EHBP1: variants seen among roughly 807,000 people sequenced by gnomAD.
EHBP1 encodes the protein EH domain-binding protein 1.
In EHBP1, 55 loss-of-function variants were observed where a neutral mutation model predicts 144.0. The ratio of observed to expected loss-of-function variants is 0.38; its 90% CI spans 0.31 to 0.48. EHBP1 has a LOEUF of 0.48. Among genes scored for constraint, EHBP1 ranks in the 20% least tolerant of loss-of-function variants. The pLI, the probability that EHBP1 is intolerant of heterozygous loss-of-function variation, is 0.98. For missense variants in EHBP1, 1,200 were observed against 1,364.2 expected (o/e 0.88, Z 1.90); for synonymous variants, 469 against 472.7 (o/e 0.99, Z 0.10).
At chr2:62,951,760 G>A (rs1395425057) in intron 13 of EHBP1, among the ~76,000 whole-genome samples, 1 of 151,964 alleles carries the variant, frequency 6.6e-6, no homozygotes, top group Admixed American at 6.5e-5. Flanking sequence ...CCTGACCTCA[G>A]GTGATCCTCC....
chr2:62,827,701 T>A (rs1343008853), intron 6 of EHBP1, among the ~76,000 whole-genome samples: 1 of 151,764 alleles, frequency 6.6e-6, no homozygotes, highest in East Asian at 1.9e-4. Context: ...AGAGTCTCGC[T>A]CTGTCACCCA....
intron 10 of EHBP1, among the ~76,000 whole-genome samples, chr2:62,915,837 C>A: frequency 6.6e-6 from 1 of 151,902 alleles, no homozygotes; most frequent in African/African-American, 2.4e-5. Context: ...AAACATCTAC[C>A]CCAGAAACAA....
At chr2:62,936,007 T>G (rs1436984606) in intron 10 of EHBP1, among the ~76,000 whole-genome samples, 1 of 152,172 alleles carries the variant, frequency 6.6e-6, no homozygotes, top group Non-Finnish European at 1.5e-5. Flanking sequence ...GTTCAAGACG[T>G]GTTATCCTTT....
At chr2:62,719,679 TC>T (rs2036024030) in intron 2 of EHBP1, among the ~76,000 whole-genome samples, 1 of 152,220 alleles carries the variant, frequency 6.6e-6, no homozygotes, top group South Asian at 2.1e-4. Context: ...TTTGTTTTGG[TC>T]ATTATTCTCT....
At chr2:63,014,082 G>A (rs997462948) in intron 19 of EHBP1, among the ~76,000 whole-genome samples, 1 of 152,170 alleles carries the variant, frequency 6.6e-6, no homozygotes. Context: ...TAGTTAATAG[G>A]ATGATGTCTT....
chr2:62,988,928 G>T (rs947263956), intron 15 of EHBP1, among the ~76,000 whole-genome samples: 1 of 152,176 alleles, frequency 6.6e-6, no homozygotes, highest in Non-Finnish European at 1.5e-5. Flanking sequence ...TTCTTTCCCT[G>T]TTGGAAATAC....
At chr2:62,727,354 A>T (rs1294032009) in intron 2 of EHBP1, among the ~76,000 whole-genome samples, 2 of 151,822 alleles carry the variant, frequency 1.3e-5, no homozygotes, top group Non-Finnish European at 2.9e-5. Context: ...TGCCCTTTTA[A>T]AGTGTACAAT....
intron 14 of EHBP1, 175 bp downstream of exon 14, chr2:62,955,835 A>G: frequency 1.7e-6 from 1 of 578,552 alleles, no homozygotes; most frequent in Non-Finnish European, 2.8e-6. Flanking sequence ...CCATTTGATC[A>G]TTATTCCTAC....
At chr2:62,712,822 G>A (rs897352850) in intron 2 of EHBP1, among the ~76,000 whole-genome samples, 1 of 152,084 alleles carries the variant, frequency 6.6e-6, no homozygotes, top group African/African-American at 2.4e-5. Flanking sequence ...TTGAGGATGT[G>A]GTTAATGTTA....
intron 1 of EHBP1, among the ~76,000 whole-genome samples, chr2:62,695,395 G>T (rs1308171851): frequency 6.6e-6 from 1 of 152,118 alleles, no homozygotes; most frequent in Non-Finnish European, 1.5e-5. Context: ...AAAGGTCAAT[G>T]AAAACTCATC....
intron 14 of EHBP1, among the ~76,000 whole-genome samples, chr2:62,974,386 A>G (rs1309719746): frequency 2.0e-5 from 3 of 152,210 alleles, no homozygotes; most frequent in East Asian, 1.9e-4. Flanking sequence ...AGAGTAGTAC[A>G]TGTGTATTAT....
intron 1 of EHBP1, among the ~76,000 whole-genome samples, chr2:62,698,525 G>A (rs2034177549): frequency 6.6e-6 from 1 of 152,124 alleles, no homozygotes; most frequent in African/African-American, 2.4e-5. Flanking sequence ...TTGAACTATG[G>A]CACAAAAACC....
In EHBP1 at chr2:62,788,485, A is replaced by C. The variant is rs147433584; in HGVS notation, c.312+17093A>C. 4.7e-4 allele frequency among the ~76,000 whole-genome samples: 71 copies of C among 152,256 alleles called. 1 individual carries two copies. Among genetic ancestry groups the C allele is most frequent in the African/African-American group, 1.5e-3 (63 of 41,566 alleles). On this transcript the variant is annotated intron_variant, in intron 5 of 22. Transcript: ENST00000431489. ...TGGACTTTTCCTGTGTACCAAAAAAAAAACCCTGTTGTTATTTTCTAGAAA... is the reference window on the plus strand; with the variant it reads ...TGGACTTTTCCTGTGTACCAAAAAACAAACCCTGTTGTTATTTTCTAGAAA...
At position 62,996,720 on chromosome 2, in the gene EHBP1, C is replaced by A. The variant is rs572501268; in HGVS notation, c.3057C>A (p.Thr1019=). Residue 1019 remains threonine (T), a synonymous_variant, in exon 19 of 23, where the codon ACC becomes ACA. Coordinates refer to ENST00000431489, the MANE Select transcript of EHBP1 (RefSeq NM_001142616.3). ...ALENEQKQID[T]RAALVEKRLR... ...AGAATGAGCAAAAGCAAATTGACAC[C>A]CGTGCCGCGCTGGTGGAGAAGCGCC... The A allele has an allele frequency of 2.5e-4, 407 of 1,612,956 alleles. 5 individuals carry two copies. In the Middle Eastern group the frequency reaches 0.01, roughly 41 times the overall value.
intron 19 of EHBP1, among the ~76,000 whole-genome samples, chr2:62,997,221 T>G (rs920322605): frequency 1.3e-5 from 2 of 152,128 alleles, no homozygotes; most frequent in African/African-American, 4.8e-5. Flanking sequence ...CTCCACAATT[T>G]TTTTTTCAAG....
intron 10 of EHBP1, among the ~76,000 whole-genome samples, chr2:62,903,767 AAGAAGG>A (rs1251909221): frequency 4.0e-5 from 5 of 125,390 alleles, no homozygotes; most frequent in Non-Finnish European, 6.9e-5. Context: ...CCCTGCCTTG[AAGAAGG>A]AGAAGGAGAA....
chr2:62,728,267 C>G (rs1361990139), intron 2 of EHBP1, among the ~76,000 whole-genome samples: 1 of 152,170 alleles, frequency 6.6e-6, no homozygotes, highest in Non-Finnish European at 1.5e-5. Flanking sequence ...AGGTACATAC[C>G]TGGAAGTGGA....
At chr2:62,756,019 A>G (rs2040245505) in intron 3 of EHBP1, among the ~76,000 whole-genome samples, 1 of 151,804 alleles carries the variant, frequency 6.6e-6, no homozygotes, top group East Asian at 1.9e-4. Flanking sequence ...CACGCCTGTA[A>G]CCCTAGCACT....
intron 1 of EHBP1, among the ~76,000 whole-genome samples, chr2:62,687,871 A>T (rs1457403920): frequency 6.6e-6 from 1 of 152,164 alleles, no homozygotes; most frequent in Non-Finnish European, 1.5e-5. Context: ...AGAGTGAGTC[A>T]GTCCCAAAGT....
Sources: allele counts gnomAD v4.1 joint callset (sites outside exome capture counted in the v4.1 genomes callset), GRCh38; gene constraint gnomAD v4.1.1; transcripts MANE v1.5; gene names NCBI Gene and HGNC (gene_info 2026-07-23, HGNC 2026-07-21).